Variants in UGT2B4 observed in about 807,000 individuals in gnomAD.
The protein encoded by UGT2B4 is UDP glucuronosyltransferase family 2 member B4.
In UGT2B4, 49 loss-of-function variants were observed where a neutral mutation model predicts 49.8. That is an observed-to-expected ratio of 0.98 (90% CI 0.78 to 1.25). The LOEUF (loss-of-function observed/expected upper bound fraction) is 1.25. UGT2B4 is among the 50% of genes most tolerant of loss of function. UGT2B4 has a pLI of 0.00. For missense variants in UGT2B4, 729 were observed against 627.7 expected (o/e 1.16, Z -1.73); for synonymous variants, 246 against 217.7 (o/e 1.13, Z -1.14).
intron 1 of UGT2B4, among the ~76,000 whole-genome samples, chr4:69,504,931 G>A (rs906800808): frequency 1.3e-5 from 2 of 152,136 alleles, no homozygotes; most frequent in Admixed American, 6.5e-5. Context: ...TAAGTCAGAA[G>A]AGATTGGGGG....
chr4:69,485,243 T>G lies in UGT2B4; in HGVS notation c.1275A>C (p.Leu425Phe). Residue 425 changes from leucine (L) to phenylalanine (F), a missense_variant, in exon 5 of 6, where the codon TTA (leucine) becomes TTC (phenylalanine). Leu to Phe is a conservative substitution (Grantham distance 22, BLOSUM62 0). Coordinates refer to ENST00000305107, the MANE Select transcript of UGT2B4 (RefSeq NM_021139.3). ...LDFHTMSSTD[L>F]LNALKTVIND... ...TAATTACTGTCTTCAGTGCATTGAG[T>G]AAGTCTGTACTCGACATTGTGTGGA... is the stretch of plus-strand genomic sequence containing the variant. The G allele has an allele frequency of 1.1e-5, 18 of 1,613,964 alleles. No individual in the cohort carries two copies. The highest frequency in any genetic ancestry group is 1.5e-5 in the Non-Finnish European group (18 of 1,179,946).
At chr4:69,511,659 G>A (rs1472782864) in intron 1 of UGT2B4, among the ~76,000 whole-genome samples, 1 of 151,970 alleles carries the variant, frequency 6.6e-6, no homozygotes, top group South Asian at 2.1e-4. Flanking sequence ...GTCTGGGTTT[G>A]TTATCAGTAT....
chr4:69,508,895 A>G (rs1268013498), intron 1 of UGT2B4, among the ~76,000 whole-genome samples: 1 of 152,206 alleles, frequency 6.6e-6, no homozygotes, highest in Non-Finnish European at 1.5e-5. Context: ...ACTGTTAAGT[A>G]TAGCCACAAC....
rs185638453 is a variant in UGT2B4, at chr4:69,514,941, T to C, written c.-106+10746A>G. 2.5e-3 allele frequency among the ~76,000 whole-genome samples: 375 copies of C among 152,160 alleles called. 1 individual carries two copies. The highest frequency in any genetic ancestry group is 8.5e-3 in the African/African-American group (354 of 41,520). Reference sequence around the variant, plus strand: ...AAGGAAAAATAAAGACATTACATAATGGGGAAGGGTTTAATTCAACAAGAA... The same window carrying C: ...AAGGAAAAATAAAGACATTACATAACGGGGAAGGGTTTAATTCAACAAGAA... On this transcript the variant is annotated intron_variant, in intron 1 of 1. Transcript: ENST00000510114.
intron 1 of UGT2B4, among the ~76,000 whole-genome samples, chr4:69,525,432 G>A (rs1247500016): frequency 6.6e-6 from 1 of 151,994 alleles, no homozygotes; most frequent in Non-Finnish European, 1.5e-5. Flanking sequence ...AATGATATTA[G>A]GTAAAGTATG....
intron 1 of UGT2B4, among the ~76,000 whole-genome samples, chr4:69,515,721 C>A (rs1327150577): frequency 6.6e-6 from 1 of 151,956 alleles, no homozygotes; most frequent in Non-Finnish European, 1.5e-5. Flanking sequence ...AATCCAGGAG[C>A]TCATTTTTTG....
exon 1 of UGT2B4, chr4:69,525,925 C>A: frequency 4.9e-6 from 1 of 202,254 alleles, no homozygotes; most frequent in South Asian, 6.5e-5. Context: ...CACGGTGAAA[C>A]CCCATCTCTA....
At chr4:69,514,778 G>C (rs1728689024) in intron 1 of UGT2B4, among the ~76,000 whole-genome samples, 1 of 152,000 alleles carries the variant, frequency 6.6e-6, no homozygotes, top group Non-Finnish European at 1.5e-5. Flanking sequence ...TGCATATGTT[G>C]AACCACCCTT....
In UGT2B4 at chr4:69,489,442, T is replaced by C. The variant is rs1183050217; in HGVS notation, c.999A>G (p.Gln333=). The part of the protein sequence containing the change: ...VIASALAKIP[Q]KVLWRFDGNK... ...CCATTAAAACATTTTATCTTACCTT[T>C]TGTGGGATCTTGGCAAGGGCTGATG... is the stretch of plus-strand genomic sequence containing the variant. Residue 333 remains glutamine, a synonymous_variant, in exon 3 of 6, where the codon CAA becomes CAG. Coordinates refer to ENST00000305107, the MANE Select transcript of UGT2B4 (RefSeq NM_021139.3). 31 of 1,610,336 alleles carry C rather than the reference T, an allele frequency of 1.9e-5. No individual in the cohort carries two copies. Among genetic ancestry groups the C allele is most frequent in the African/African-American group, 2.7e-5 (2 of 74,750 alleles).
chr4:69,492,780 A>G (rs759659407), intron 2 of UGT2B4, among the ~76,000 whole-genome samples: 24 of 152,078 alleles, frequency 1.6e-4, no homozygotes, highest in Non-Finnish European at 3.5e-4. Context: ...GAAGTTAGTC[A>G]TATTACTGTA....
At chr4:69,484,472 A>T (rs1288911143) in intron 5 of UGT2B4, among the ~76,000 whole-genome samples, 1 of 152,148 alleles carries the variant, frequency 6.6e-6, no homozygotes, top group African/African-American at 2.4e-5. Context: ...TACACACAAT[A>T]TAAATAAAGC....
chr4:69,513,182 C>G (rs2109829156), intron 1 of UGT2B4, among the ~76,000 whole-genome samples: 1 of 152,166 alleles, frequency 6.6e-6, no homozygotes, highest in Non-Finnish European at 1.5e-5. Flanking sequence ...GAGCAGTATT[C>G]CCTAGATTTT....
At chr4:69,508,528 A>C (rs1728529583) in intron 1 of UGT2B4, among the ~76,000 whole-genome samples, 1 of 152,222 alleles carries the variant, frequency 6.6e-6, no homozygotes, top group African/African-American at 2.4e-5. Context: ...GCCAGGAAAA[A>C]AAGAATGAGA....
intron 1 of UGT2B4, among the ~76,000 whole-genome samples, chr4:69,507,994 C>A (rs1392064057): frequency 6.6e-6 from 1 of 152,138 alleles, no homozygotes; most frequent in East Asian, 1.9e-4. Context: ...CTATAAGAGA[C>A]TTAAACAAAT....
At position 69,480,963 on chromosome 4, in the gene UGT2B4, G is replaced by A. The variant is rs1727569188; in HGVS notation, c.1311-53C>T. On this transcript the variant is annotated intron_variant, in intron 5 of 5. Transcript: ENST00000305107. ...ATTGAAAGTAAGTTAATTTGGCCAG[G>A]CACGGAGGCTCACACCTGCAATCCC... The A allele has an allele frequency of 1.9e-6, 3 of 1,583,762 alleles. No individual in the cohort carries two copies. In the Admixed American group the frequency reaches 5.1e-5, roughly 27 times the overall value.
At chr4:69,498,503 G>C (rs1728222658), upstream of UGT2B4, among the ~76,000 whole-genome samples, 1 of 129,682 alleles carries the variant, frequency 7.7e-6, no homozygotes, top group East Asian at 2.0e-4. Context: ...TTGATTTTGG[G>C]CTTTTTTTTT....
At chr4:69,520,675 A>ATGACACCTCAGCCCCAT (rs1728827955) in intron 1 of UGT2B4, among the ~76,000 whole-genome samples, 1 of 152,200 alleles carries the variant, frequency 6.6e-6, no homozygotes, top group Non-Finnish European at 1.5e-5. Context: ...CACCAGCCCC[A>ATGACACCTCAGCCCCAT]TGACACCTCA....
intron 1 of UGT2B4, among the ~76,000 whole-genome samples, chr4:69,509,771 AT>A (rs1185728600): frequency 3.3e-5 from 5 of 152,052 alleles, no homozygotes; most frequent in Non-Finnish European, 7.4e-5. Flanking sequence ...TCAGATACAT[AT>A]CTTGACAGTA....
chr4:69,495,975 T>C (rs1728151108), upstream of UGT2B4: 3 of 1,458,084 alleles, frequency 2.1e-6, no homozygotes, highest in East Asian at 6.9e-5. Context: ...CACTTCAAAG[T>C]AAATACATTA....
Sources: gnomAD v4.1 joint callset for allele counts (sites outside exome capture counted in the v4.1 genomes callset) on GRCh38, gnomAD v4.1.1 for gene constraint, MANE v1.5 for transcripts, NCBI Gene and HGNC (gene_info 2026-07-23, HGNC 2026-07-21) for gene names.